The following ZNF200 variants were observed in gnomAD, a reference collection of about 807,000 sequenced individuals.
The protein encoded by ZNF200 is zinc finger protein 200.
A neutral mutation model predicts 33.6 loss-of-function variants in ZNF200; 35 were observed. That is an observed-to-expected ratio of 1.04 (90% confidence interval 0.80 to 1.38). ZNF200 has a LOEUF of 1.38. Among genes scored for constraint, ZNF200 ranks in the 40% most tolerant of loss-of-function variants. The pLI is 0.00. For synonymous variants in ZNF200, 209 were observed against 167.7 expected, an observed-to-expected ratio of 1.25 and a Z score of -1.90; for missense variants, 592 against 470.6, an observed-to-expected ratio of 1.26 and a Z score of -2.39.
intron 1 of ZNF200, 92 bp from the exon 2 acceptor site, chr16:3,233,928 T>A: frequency 9.7e-7 from 1 of 1,035,776 alleles, no homozygotes; most frequent in Non-Finnish European, 1.3e-6. Context: ...CTACATGAGA[T>A]CTAAAGAAAA....
intron 3 of ZNF200, 115 bp from the exon 4 acceptor site, chr16:3,232,662 A>T: frequency 6.7e-7 from 1 of 1,503,470 alleles, no homozygotes; most frequent in Non-Finnish European, 9.0e-7. Flanking sequence ...GGGACCTATA[A>T]ATCCCACAGA....
Position 3,223,757 on chromosome 16 carries a change from G to T in ZNF200, c.*135C>A. 2 of 1,320,194 alleles carry T rather than the reference G, an allele frequency of 1.5e-6. No individual in the cohort carries two copies. Among genetic ancestry groups the T allele is most frequent in the East Asian group, 2.4e-5 (1 of 42,026 alleles). The allele number at this position is 1,320,194 out of a possible 1,614,324, so 81.8% of individuals were successfully genotyped here. A position where few individuals can be genotyped will look rare whatever the true frequency, so the allele number is the denominator to read the frequency against. ...AGCAATTTGAGGTTTTAGCTAAGAT[G>T]GGCATTTATCCAATTTTGGCAATAA... On this transcript the variant is annotated 3_prime_UTR_variant, in exon 5 of 5. Coordinates refer to ENST00000414144, the MANE Select transcript of ZNF200 (RefSeq NM_198088.3).
rs747771731 is a variant in ZNF200, at chr16:3,233,578, C to T, written c.178G>A (p.Val60Ile). ...FLTFLPKPSL[V>I]QPSQKVKETL... ...TCCTTGACTTTCTGACTGGGCTGGA[C>T]CAGGCTTGGCTTGGGCAAGAAGGTG... The change falls in exon 2 of 5, where the codon GTC becomes ATC. Residue 60 changes from valine to isoleucine, a missense_variant. By Grantham distance (29) the Val-to-Ile change is conservative. Coordinates refer to ENST00000414144, the MANE Select transcript of ZNF200 (RefSeq NM_198088.3). 2.5e-6 allele frequency: 4 copies of T among 1,611,368 alleles called. No homozygotes were observed. In the Admixed American group the frequency reaches 6.7e-5, roughly 27 times the overall value.
chr16:3,234,638 C>T (rs1958752809), intron 1 of ZNF200: 1 of 152,300 alleles, frequency 6.6e-6, no homozygotes, highest in Admixed American at 6.5e-5. Flanking sequence ...TACTGTACCC[C>T]TCGAACCGAA....
rs1219070544 is a variant in ZNF200 at position 3,224,400 on chromosome 16, G to A, written c.680C>T (p.Pro227Leu). ...NLLVTIENDT[P>L]LEELSKYVDI... ...TACATATTTTGAGAGTTCCTCTAGAGGAGTATCATTCTCAATGGTAACTAA... is the reference window on the plus strand; with the variant it reads ...TACATATTTTGAGAGTTCCTCTAGAAGAGTATCATTCTCAATGGTAACTAA... The change falls in exon 5 of 5, where the codon CCT becomes CTT. Residue 227 changes from proline (P) to leucine (L), a missense_variant. Physicochemically the swap from Pro to Leu is moderately conservative, Grantham distance 98. Transcript: ENST00000414144. The A allele has an allele frequency of 1.2e-6, 2 of 1,614,134 alleles. No individual in the cohort carries two copies. The highest frequency in any genetic ancestry group is 1.7e-6 in the Non-Finnish European group (2 of 1,180,034).
At position 3,233,532 on chromosome 16, in the gene ZNF200, T is replaced by C. The variant is rs929763047; in HGVS notation, c.224A>G (p.Asp75Gly). ...KVKETLVIMK[D>G]VSSSLQNRVH... ...TCTGTTCTGAAGGCTTGAGCTCACA[T>C]CTTTCATAATAACCAAGGTCTCCTT... is the stretch of plus-strand genomic sequence containing the variant. Residue 75 changes from aspartate to glycine, a missense_variant, in exon 2 of 5, where the codon GAT becomes GGT. Transcript: ENST00000414144. 1 of 1,574,020 alleles carries C rather than the reference T, an allele frequency of 6.4e-7. No individual in the cohort carries two copies. Among genetic ancestry groups the C allele is most frequent in the Non-Finnish European group, 8.6e-7 (1 of 1,161,210 alleles).
intron 4 of ZNF200, 149 bp downstream of exon 4, chr16:3,232,272 C>G: frequency 1.0e-6 from 1 of 973,632 alleles, no homozygotes; most frequent in South Asian, 1.7e-5. Flanking sequence ...TGGCAAGGCT[C>G]TGCTACATTG....
intron 1 of ZNF200, chr16:3,234,083 G>C: frequency 5.0e-6 from 1 of 199,478 alleles, no homozygotes; most frequent in Non-Finnish European, 1.0e-5. Flanking sequence ...GGGTGGAGCG[G>C]AGAAGGCCAA....
rs1451134075 is a variant in ZNF200, at chr16:3,233,729, C to T, written c.27G>A (p.Met9Ile). Residue 9 changes from methionine to isoleucine, a missense_variant, in exon 2 of 5, where the codon ATG (methionine) becomes ATA (isoleucine). Physicochemically the swap from Met to Ile is conservative, Grantham distance 10. Coordinates refer to ENST00000414144, the MANE Select transcript of ZNF200 (RefSeq NM_198088.3). Reference sequence around the variant, plus strand: ...TAAAGGACTGCTTTGGCTTTGGGGGCATAGGAACCACTTTTGCAGCCATCA... The same window carrying T: ...TAAAGGACTGCTTTGGCTTTGGGGGTATAGGAACCACTTTTGCAGCCATCA... MMAAKVVP[M>I]PPKPKQSFIL... is the part of the protein sequence containing the mutation. 1 of 1,612,222 alleles carries T rather than the reference C, an allele frequency of 6.2e-7. No individual in the cohort carries two copies. The highest frequency in any genetic ancestry group is 2.2e-5 in the East Asian group (1 of 44,824).
At position 3,224,075 on chromosome 16, in the gene ZNF200, TATC is replaced by T; in HGVS notation, c.1002_1004del (p.Ile335del). On this transcript the variant is annotated inframe_deletion, in exon 5 of 5. Transcript: ENST00000414144. ...TTTTCCCACATTCTGGACACTTAAATATCTTCTCCCTTATATGGATTCCTTCAT... is the reference window on the plus strand; with the variant it reads ...TTTTCCCACATTCTGGACACTTAAATTTCTCCCTTATATGGATTCCTTCAT... 2 of 1,614,188 alleles carry T rather than the reference TATC, an allele frequency of 1.2e-6. No individual in the cohort carries two copies. Among genetic ancestry groups the T allele is most frequent in the Non-Finnish European group, 1.7e-6 (2 of 1,180,038 alleles).
rs982691080 is a variant in ZNF200, at chr16:3,233,448, A to C, written c.250+58T>G. 2.7e-6 allele frequency: 4 copies of C among 1,492,764 alleles called. No homozygotes were observed. In the African/African-American group the frequency reaches 5.6e-5, roughly 21 times the overall value. The allele number at this position is 1,492,764 out of a possible 1,614,324, so 92.5% of individuals were successfully genotyped here. On this transcript the variant is annotated intron_variant, in intron 2 of 4. Transcript: ENST00000414144. ...GAATTTATAACTAACACAGAAACCT[A>C]TCTTAGACTCCAGTACCTCCTCCTC...
intron 2 of ZNF200, 46 bp from the exon 3 acceptor site, chr16:3,232,967 A>T: frequency 1.3e-6 from 2 of 1,560,196 alleles, no homozygotes; most frequent in South Asian, 2.2e-5. Flanking sequence ...CAGTGACTCT[A>T]ACACAGAGAC....
Position 3,232,859 on chromosome 16 carries a change from A to T in ZNF200, c.313T>A (p.Ser105Thr), listed in dbSNP as rs753564591. Residue 105 changes from serine (S) to threonine (T), a missense_variant, in exon 3 of 5, where the codon TCT becomes ACT. Transcript: ENST00000414144. ...TCAGGGTTAGCTTTCAAATACAGAG[A>T]CACTGTCTCTTGTTCCTTTTGGACT... is the stretch of plus-strand genomic sequence containing the variant. ...KGVQKEQETV[S>T]LYLKANPEEL... The T allele has an allele frequency of 6.2e-7, 1 of 1,613,846 alleles. No individual in the cohort carries two copies. Among genetic ancestry groups the T allele is most frequent in the Non-Finnish European group, 8.5e-7 (1 of 1,179,844 alleles).
At chr16:3,229,649 A>C (rs1041471832) in intron 4 of ZNF200, among the ~76,000 whole-genome samples, 7 of 152,160 alleles carry the variant, frequency 4.6e-5, no homozygotes, top group Non-Finnish European at 1.0e-4. Flanking sequence ...GCAGATCACA[A>C]GGTCAGGAGA....
At chr16:3,228,409 G>A (rs1174172344) in intron 4 of ZNF200, among the ~76,000 whole-genome samples, 1 of 151,780 alleles carries the variant, frequency 6.6e-6, no homozygotes. Flanking sequence ...ATTTTGTCAA[G>A]TATCTTTTCA....
chr16:3,223,963 A>C lies in ZNF200; in HGVS notation c.1117T>G (p.Phe373Val). The change falls in exon 5 of 5, where the codon TTT becomes GTT. Residue 373 changes from phenylalanine to valine, a missense_variant. Phe to Val is a conservative substitution (Grantham distance 50). Coordinates refer to ENST00000414144, the MANE Select transcript of ZNF200 (RefSeq NM_198088.3). ...CGGGTACAGTTTGACAGCCGACCAAATCTTCTCCCACATTTTTTGCAACCA... is the reference window on the plus strand; with the variant it reads ...CGGGTACAGTTTGACAGCCGACCAACTCTTCTCCCACATTTTTTGCAACCA... ...PYGCKKCGRR[F>V]GRLSNCTRHE... 6.2e-7 allele frequency: 1 copy of C among 1,614,060 alleles called. No individual in the cohort carries two copies. Among genetic ancestry groups the C allele is most frequent in the Non-Finnish European group, 8.5e-7 (1 of 1,180,012 alleles).
chr16:3,228,499 T>A (rs1958537758), intron 4 of ZNF200, among the ~76,000 whole-genome samples: 1 of 152,096 alleles, frequency 6.6e-6, no homozygotes, highest in Non-Finnish European at 1.5e-5. Context: ...TCTGTTTTTT[T>A]AATTATTTTT....
At chr16:3,226,380 T>TAGG (rs1173430038) in intron 4 of ZNF200, 1 of 152,128 alleles carries the variant, frequency 6.6e-6, no homozygotes, top group Non-Finnish European at 1.5e-5. Context: ...ATCACTCCCT[T>TAGG]AGGATAATGA....
At position 3,233,856 on chromosome 16, in the gene ZNF200, G is replaced by T; in HGVS notation, c.-81-20C>A. The T allele has an allele frequency of 2.0e-6, 3 of 1,501,416 alleles. No individual in the cohort carries two copies. The highest frequency in any genetic ancestry group is 2.7e-6 in the Non-Finnish European group (3 of 1,126,532). 93.0% of individuals were successfully genotyped at this position (1,501,416 alleles called of 1,614,324 possible). On this transcript the variant is annotated intron_variant, in intron 1 of 4. Coordinates refer to ENST00000414144, the MANE Select transcript of ZNF200 (RefSeq NM_198088.3). ...GCCAAGCTGTAGACAGAGAAACCAG[G>T]GATTACCCAAAAGACCAGGCACGGC...
Sources: gnomAD v4.1 joint callset for allele counts (sites outside exome capture counted in the v4.1 genomes callset) on GRCh38, gnomAD v4.1.1 for gene constraint, MANE v1.5 for transcripts, NCBI Gene and HGNC (gene_info 2026-07-23, HGNC 2026-07-21) for gene names.